SLC35F4: variants seen among roughly 807,000 people sequenced by gnomAD.
The protein encoded by SLC35F4 is solute carrier family 35 member F4.
In SLC35F4, 24 loss-of-function variants were observed where a neutral mutation model predicts 44.2. That is an observed-to-expected ratio of 0.54 (90% CI 0.39 to 0.76). SLC35F4 has a LOEUF of 0.76. Among genes scored for constraint, SLC35F4 ranks in the 30% least tolerant of loss-of-function variants. SLC35F4 has a pLI of 0.00. For synonymous variants in SLC35F4, 238 were observed against 223.6 expected (o/e 1.06, Z -0.57); for missense variants, 562 against 586.1 (o/e 0.96, Z 0.42).
At chr14:57,911,220 T>C (rs946438563) in intron 1 of SLC35F4, among the ~76,000 whole-genome samples, 2 of 152,010 alleles carry the variant, frequency 1.3e-5, no homozygotes, top group African/African-American at 4.8e-5. Context: ...TAGACAATAA[T>C]GTAGAAAAAA....
At chr14:57,881,775 T>C (rs1888539149) in intron 1 of SLC35F4, among the ~76,000 whole-genome samples, 1 of 150,756 alleles carries the variant, frequency 6.6e-6, no homozygotes, top group African/African-American at 2.5e-5. Flanking sequence ...CCCTACTATG[T>C]AGATTTGGGG....
intron 3 of SLC35F4, among the ~76,000 whole-genome samples, chr14:57,583,109 A>T (rs1036993924): frequency 3.0e-4 from 46 of 152,228 alleles, no homozygotes; most frequent in African/African-American, 1.1e-3. Flanking sequence ...ATAAATTTTA[A>T]CTTTAAAGCC....
chr14:57,926,883 G>A (rs1889585327), intron 1 of SLC35F4, among the ~76,000 whole-genome samples: 1 of 152,108 alleles, frequency 6.6e-6, no homozygotes, highest in Non-Finnish European at 1.5e-5. Flanking sequence ...CACCTGAAGT[G>A]GAGCCTGCGA....
At chr14:57,577,883 C>T (rs2068911914) in intron 4 of SLC35F4, among the ~76,000 whole-genome samples, 1 of 152,114 alleles carries the variant, frequency 6.6e-6, no homozygotes, top group South Asian at 2.1e-4. Flanking sequence ...AAGCAATTTG[C>T]TCATGAAAGG....
chr14:57,944,779 AAAAGAAAAGAAG>A (rs869036382), intron 1 of SLC35F4, among the ~76,000 whole-genome samples: 4 of 151,968 alleles, frequency 2.6e-5, no homozygotes, highest in African/African-American at 7.2e-5. Context: ...AAGAAAAGAA[AAAAGAAAAGAAG>A]AAAGAAAAAA....
chr14:57,969,833 T>C (rs1881002280), intron 1 of SLC35F4, among the ~76,000 whole-genome samples: 1 of 152,190 alleles, frequency 6.6e-6, no homozygotes, highest in South Asian at 2.1e-4. Context: ...AGAGGCTGAC[T>C]ATGAAGTCAC....
chr14:57,574,556 G>A (rs937572561), intron 4 of SLC35F4, among the ~76,000 whole-genome samples: 1 of 152,166 alleles, frequency 6.6e-6, no homozygotes, highest in African/African-American at 2.4e-5. Context: ...GGTGCGGGTG[G>A]AGGGTATAGT....
intron 1 of SLC35F4, among the ~76,000 whole-genome samples, chr14:57,761,792 G>A (rs746307463): frequency 6.6e-6 from 1 of 152,070 alleles, no homozygotes; most frequent in Non-Finnish European, 1.5e-5. Flanking sequence ...TTTAGCAGGA[G>A]AATACAATAA....
intron 1 of SLC35F4, among the ~76,000 whole-genome samples, chr14:57,944,728 AAAGAAAGAAAGAAAGAAAGAAAG>A (rs1889985582): frequency 2.9e-5 from 4 of 135,842 alleles, no homozygotes; most frequent in African/African-American, 1.0e-4. Context: ...AGAAAGAAAG[AAAGAAAGAAAGAAAGAAAGAAAG>A]AAGAAAGGAA....
intron 1 of SLC35F4, among the ~76,000 whole-genome samples, chr14:57,690,918 G>A (rs1025467829): frequency 3.3e-5 from 5 of 152,234 alleles, no homozygotes; most frequent in East Asian, 1.9e-4. Flanking sequence ...TTGCTTGCCC[G>A]CTGCTCACCT....
chr14:57,761,811 T>A (rs1292001238), intron 1 of SLC35F4, among the ~76,000 whole-genome samples: 1 of 152,168 alleles, frequency 6.6e-6, no homozygotes, highest in Non-Finnish European at 1.5e-5. Flanking sequence ...AACACAAATG[T>A]TGAATGACCC....
chr14:57,810,657 AGC>A (rs1288452809), intron 1 of SLC35F4, among the ~76,000 whole-genome samples: 1 of 152,262 alleles, frequency 6.6e-6, no homozygotes. Flanking sequence ...TAAGCTGTAT[AGC>A]CCCTTCTTTG....
intron 1 of SLC35F4, among the ~76,000 whole-genome samples, chr14:57,886,086 C>T (rs992233666): frequency 6.6e-6 from 1 of 152,218 alleles, no homozygotes; most frequent in African/African-American, 2.4e-5. Flanking sequence ...CACATGCTTA[C>T]TGTGTGCTGG....
chr14:57,917,715 G>A (rs1355617931), intron 1 of SLC35F4, among the ~76,000 whole-genome samples: 3 of 152,020 alleles, frequency 2.0e-5, no homozygotes, highest in Non-Finnish European at 4.4e-5. Context: ...TTAGATACAG[G>A]GGGTACATGT....
At chr14:57,737,660 T>C (rs2076502432) in intron 1 of SLC35F4, among the ~76,000 whole-genome samples, 1 of 152,226 alleles carries the variant, frequency 6.6e-6, no homozygotes, top group African/African-American at 2.4e-5. Flanking sequence ...ATATCCTCTC[T>C]CTAAATTCGC....
chr14:57,749,705 G>A (rs977889427), intron 1 of SLC35F4, among the ~76,000 whole-genome samples: 1 of 152,068 alleles, frequency 6.6e-6, no homozygotes, highest in Non-Finnish European at 1.5e-5. Flanking sequence ...GACTTATCAA[G>A]GTGTCCTCAG....
At chr14:57,741,070 C>T (rs1262719208) in intron 1 of SLC35F4, among the ~76,000 whole-genome samples, 1 of 152,204 alleles carries the variant, frequency 6.6e-6, no homozygotes, top group Non-Finnish European at 1.5e-5. Flanking sequence ...CACTCCAAAA[C>T]CCCATCTGTA....
chr14:57,574,536 C>A (rs942161550), intron 4 of SLC35F4, among the ~76,000 whole-genome samples: 1 of 152,062 alleles, frequency 6.6e-6, no homozygotes, highest in Non-Finnish European at 1.5e-5. Flanking sequence ...ATAGTATGTT[C>A]CTGGGGCAGG....
intron 1 of SLC35F4, among the ~76,000 whole-genome samples, chr14:57,658,892 A>G (rs1357057027): frequency 2.6e-5 from 4 of 152,206 alleles, no homozygotes; most frequent in African/African-American, 9.6e-5. Context: ...CATTTGAACA[A>G]TTTAGGATTA....
Sources: allele counts gnomAD v4.1 joint callset (sites outside exome capture counted in the v4.1 genomes callset), GRCh38; gene constraint gnomAD v4.1.1; transcripts MANE v1.5; gene names NCBI Gene and HGNC (gene_info 2026-07-23, HGNC 2026-07-21).